FBXO11: variants seen among roughly 807,000 people sequenced by gnomAD.
The protein encoded by FBXO11 is F-box protein 11.
Under a neutral mutation model 117.0 loss-of-function variants are expected in FBXO11, and 13 were observed. The observed-to-expected ratio is 0.11, with a 90% CI of 0.07 to 0.18. The LOEUF (loss-of-function observed/expected upper bound fraction) is 0.18, where lower values mean the gene tolerates loss of function less well. Ranked by LOEUF, FBXO11 falls within the 10% of genes least tolerant of loss-of-function variation. The probability of loss-of-function intolerance (pLI) is 1.00; values close to 1 mark genes in which losing one functional copy is unlikely to be tolerated. For synonymous variants in FBXO11, 490 were observed against 380.5 expected, an observed-to-expected ratio of 1.29 and a Z score of -3.35; for missense variants, 767 against 1,164.4, an observed-to-expected ratio of 0.66 and a Z score of 4.97.
intron 1 of FBXO11, among the ~76,000 whole-genome samples, chr2:47,845,171 C>T (rs1673312627): frequency 1.7e-5 from 2 of 119,326 alleles, no homozygotes; most frequent in Admixed American, 1.1e-4. Context: ...GAATCCTTTG[C>T]TTCTCACCAA....
intron 1 of FBXO11, among the ~76,000 whole-genome samples, chr2:47,892,642 T>C (rs1475875982): frequency 6.6e-6 from 1 of 152,202 alleles, no homozygotes; most frequent in Non-Finnish European, 1.5e-5. Context: ...AACATGCTTA[T>C]GAGGAAACAA....
chr2:47,843,507 T>C (rs890484363), intron 1 of FBXO11, among the ~76,000 whole-genome samples: 1 of 152,094 alleles, frequency 6.6e-6, no homozygotes, highest in Non-Finnish European at 1.5e-5. Flanking sequence ...AGATTCAAGA[T>C]AACTATTTCT....
chr2:47,807,777 T>C lies in FBXO11; in HGVS notation c.*341A>G, dbSNP rs538078188. 2.0e-4 allele frequency: 50 copies of C among 255,004 alleles called. No individual in the cohort carries two copies. Among genetic ancestry groups the C allele is most frequent in the Middle Eastern group, 2.4e-3 (2 of 850 alleles). 15.8% of individuals were successfully genotyped at this position (255,004 alleles called of 1,614,324 possible). On this transcript the variant is annotated 3_prime_UTR_variant, in exon 23 of 23. Transcript: ENST00000403359. ...AGGCAGCAACAAAGCTGCTTGTCTATTGAAGATTACTACTGCAAATTGGAC... is the reference window on the plus strand; with the variant it reads ...AGGCAGCAACAAAGCTGCTTGTCTACTGAAGATTACTACTGCAAATTGGAC...
At chr2:47,846,140 G>A (rs375509883) in intron 1 of FBXO11, among the ~76,000 whole-genome samples, 1 of 152,286 alleles carries the variant, frequency 6.6e-6, no homozygotes, top group East Asian at 1.9e-4. Context: ...GATTAGTTAT[G>A]GTTTTGTGCC....
chr2:47,838,724 G>A (rs1672782105), intron 4 of FBXO11, 135 bp downstream of exon 4: 1 of 704,456 alleles, frequency 1.4e-6, no homozygotes. Flanking sequence ...TTTGTAACTT[G>A]GAATTGATAA....
At chr2:47,823,444 T>A in intron 11 of FBXO11, 84 bp from the exon 12 acceptor site, 1 of 1,022,708 alleles carries the variant, frequency 9.8e-7, no homozygotes, top group East Asian at 2.6e-5. Context: ...TCAATGCATA[T>A]CTAAAAATTA....
chr2:47,822,240 A>G lies in FBXO11; in HGVS notation c.1680T>C (p.Leu560=). The G allele has an allele frequency of 6.2e-6, 10 of 1,600,028 alleles. No homozygotes were observed. Among genetic ancestry groups the G allele is most frequent in the Non-Finnish European group, 8.5e-6 (10 of 1,172,868 alleles). ...TACCATAAATGTCATTTCCTTCAAT[A>G]AGGCCTCGTCCATCACCAAAGATGT... ...GVYIFGDGRG[L]IEGNDIYGNA... Residue 560 remains leucine (L), a synonymous_variant, in exon 13 of 23, where the codon CTT becomes CTC. Transcript: ENST00000403359.
Position 47,905,575 on chromosome 2 carries a change from G to T in FBXO11, c.146C>A (p.Pro49Gln), listed in dbSNP as rs1257345739. ...QPPQQQPPPP[P>Q]QQQQQQQPPP... ...AGGCTGCTGCTGCTGCTGCTGCTGCGGCGGCGGCGGAGGCTGCTGCTGGGG... is the reference window on the plus strand; with the variant it reads ...AGGCTGCTGCTGCTGCTGCTGCTGCTGCGGCGGCGGAGGCTGCTGCTGGGG... Residue 49 changes from proline (P) to glutamine (Q), a missense_variant, in exon 1 of 23, where the codon CCG becomes CAG. Physicochemically the swap from Pro to Gln is moderately conservative, Grantham distance 76 (BLOSUM62 -1). Around this residue, in one of 10 missense-constraint regions of FBXO11, gnomAD observed 355 missense variants for 299.8 expected, o/e 1.18. Coordinates refer to ENST00000403359, the MANE Select transcript of FBXO11 (RefSeq NM_001190274.2). 20 of 1,217,746 alleles carry T rather than the reference G, an allele frequency of 1.6e-5. No homozygotes were observed. Among genetic ancestry groups the T allele is most frequent in the East Asian group, 6.6e-5 (2 of 30,272 alleles). 75.4% of individuals were successfully genotyped at this position (1,217,746 alleles called of 1,614,324 possible). A position where few individuals can be genotyped will look rare whatever the true frequency, so the allele number is the denominator to read the frequency against.
chr2:47,818,541 A>G, intron 16 of FBXO11: 1 of 394,180 alleles, frequency 2.5e-6, no homozygotes, highest in Non-Finnish European at 4.6e-6. Flanking sequence ...TGACTCTCAT[A>G]GTGGAAAGCA....
Position 47,813,999 on chromosome 2 carries a change from T to C in FBXO11, c.2007-132A>G, listed in dbSNP as rs907573362. 16 of 654,694 alleles carry C rather than the reference T, an allele frequency of 2.4e-5. No individual in the cohort carries two copies. In the African/African-American group the frequency reaches 2.9e-4, roughly 12 times the overall value. The allele number at this position is 654,694 out of a possible 1,614,324, so 40.6% of individuals were successfully genotyped here. On this transcript the variant is annotated intron_variant, in intron 16 of 22. Transcript: ENST00000403359. ...ATTAACTATACAATGGAGTCCAAGA[T>C]GCCCTGAGAAGAAAGTGGTTTAATT...
intron 18 of FBXO11, 100 bp downstream of exon 18, chr2:47,813,134 C>G (rs1339848534): frequency 8.5e-7 from 1 of 1,180,894 alleles, no homozygotes; most frequent in Non-Finnish European, 1.3e-6. Flanking sequence ...ACTTGAGATT[C>G]ACTCATTTAT....
At chr2:47,810,459 A>G (rs765487851) in intron 18 of FBXO11, 33 bp from the exon 19 acceptor site, 3 of 1,398,954 alleles carry the variant, frequency 2.1e-6, no homozygotes, top group East Asian at 2.3e-5. Context: ...ATTAAGGCTA[A>G]TGCATATAAC....
chr2:47,818,260 C>T (rs1028787198), intron 16 of FBXO11, among the ~76,000 whole-genome samples: 3 of 152,286 alleles, frequency 2.0e-5, no homozygotes, highest in Admixed American at 2.0e-4. Flanking sequence ...TGCCACAAAA[C>T]TTCAATTTGT....
At chr2:47,833,138 G>A (rs984652707) in intron 7 of FBXO11, 68 bp from the exon 8 acceptor site, 4 of 1,035,956 alleles carry the variant, frequency 3.9e-6, no homozygotes, top group East Asian at 4.9e-5. Context: ...CTTTATGGAG[G>A]GGGAACTTAC....
intron 1 of FBXO11, among the ~76,000 whole-genome samples, chr2:47,882,400 A>G (rs1676496955): frequency 6.6e-6 from 1 of 152,186 alleles, no homozygotes; most frequent in Non-Finnish European, 1.5e-5. Flanking sequence ...TTTCCCTGCC[A>G]CAGATGCCCT....
chr2:47,843,065 T>C (rs779152141), intron 1 of FBXO11, among the ~76,000 whole-genome samples: 2 of 152,192 alleles, frequency 1.3e-5, no homozygotes, highest in Admixed American at 6.6e-5. Context: ...GAGATTATTA[T>C]AGCTGTGAGT....
chr2:47,892,071 C>T (rs1265852222), intron 1 of FBXO11, among the ~76,000 whole-genome samples: 1 of 152,082 alleles, frequency 6.6e-6, no homozygotes, highest in Non-Finnish European at 1.5e-5. Context: ...ATAGGATGCC[C>T]TTTCACTTTG....
chr2:47,841,634 TCA>T (rs1673016452), intron 1 of FBXO11, among the ~76,000 whole-genome samples: 2 of 152,146 alleles, frequency 1.3e-5, no homozygotes, highest in African/African-American at 4.8e-5. Flanking sequence ...CCTTTGGTAT[TCA>T]AATTATTATT....
intron 1 of FBXO11, among the ~76,000 whole-genome samples, chr2:47,885,409 A>G (rs1479628955): frequency 6.6e-6 from 1 of 152,104 alleles, no homozygotes; most frequent in Admixed American, 6.5e-5. Flanking sequence ...TCTGGCCAAC[A>G]TGGCAAACCC....
Sources: allele counts gnomAD v4.1 joint callset (sites outside exome capture counted in the v4.1 genomes callset), GRCh38; gene constraint gnomAD v4.1.1; regional missense constraint gnomAD v4.1.1; transcripts MANE v1.5; gene names NCBI Gene and HGNC (gene_info 2026-07-23, HGNC 2026-07-21).